GNG4: variants seen among roughly 807,000 people sequenced by gnomAD.
The protein encoded by GNG4 is guanine nucleotide-binding protein G(I)/G(S)/G(O) subunit gamma-4.
In GNG4, 4 loss-of-function variants were observed where a neutral mutation model predicts 5.8. The ratio of observed to expected loss-of-function variants is 0.69; its 90% CI spans 0.34 to 1.57. The LOEUF (loss-of-function observed/expected upper bound fraction) is 1.57. Among genes scored for constraint, GNG4 ranks in the 40% most tolerant of loss-of-function variants. The pLI, the probability that GNG4 is intolerant of heterozygous loss-of-function variation, is 0.06. For missense variants in GNG4, 96 were observed against 95.1 expected, an observed-to-expected ratio of 1.01 and a Z score of -0.04; for synonymous variants, 29 against 32.9, an observed-to-expected ratio of 0.88 and a Z score of 0.41.
chr1:235,570,914 A>T, intron 3 of GNG4, among the ~76,000 whole-genome samples: 1 of 62,262 alleles, frequency 1.6e-5, no homozygotes. Flanking sequence ...GTGTGTATAC[A>T]TATATATATA....
chr1:235,557,480 A>C (rs1432703269), intron 3 of GNG4, among the ~76,000 whole-genome samples: 1 of 146,144 alleles, frequency 6.8e-6, no homozygotes, highest in Non-Finnish European at 1.5e-5. Flanking sequence ...CAGGATGGAC[A>C]CAGCCACTGT....
At chr1:235,645,797 C>CAAAAAA (rs6143682) in intron 1 of GNG4, among the ~76,000 whole-genome samples, 2 of 90,376 alleles carry the variant, frequency 2.2e-5, no homozygotes, top group African/African-American at 4.1e-5. Flanking sequence ...AACTCAGTCT[C>CAAAAAA]AAAAAAAAAA....
chr1:235,566,198 A>G (rs899270120), intron 3 of GNG4: 1 of 152,294 alleles, frequency 6.6e-6, no homozygotes, highest in African/African-American at 2.4e-5. Flanking sequence ...GTCTTTCAAC[A>G]GTGCTCTAAA....
intron 1 of GNG4, among the ~76,000 whole-genome samples, chr1:235,629,516 T>G (rs1210413779): frequency 1.3e-5 from 2 of 152,240 alleles, no homozygotes; most frequent in East Asian, 3.9e-4. Flanking sequence ...CAACACTTCT[T>G]GTGAAAAGCC....
intron 1 of GNG4, among the ~76,000 whole-genome samples, chr1:235,606,875 G>A (rs1254968625): frequency 6.6e-6 from 1 of 151,834 alleles, no homozygotes; most frequent in East Asian, 1.9e-4. Flanking sequence ...GAGGAAGGAA[G>A]CCGCATGCTC....
At chr1:235,645,640 A>G (rs1023379226) in intron 1 of GNG4, among the ~76,000 whole-genome samples, 15 of 152,012 alleles carry the variant, frequency 9.9e-5, no homozygotes, top group African/African-American at 3.6e-4. Flanking sequence ...TCTACTAAAA[A>G]TACAAAATTA....
intron 1 of GNG4, among the ~76,000 whole-genome samples, chr1:235,645,135 C>T (rs530325423): frequency 6.6e-6 from 1 of 152,308 alleles, no homozygotes; most frequent in African/African-American, 2.4e-5. Flanking sequence ...GCCTGACCCT[C>T]TGGGAAGACA....
At chr1:235,575,656 T>G (rs187698165) in intron 3 of GNG4, among the ~76,000 whole-genome samples, 1 of 152,310 alleles carries the variant, frequency 6.6e-6, no homozygotes, top group African/African-American at 2.4e-5. Flanking sequence ...CCTTGGCCAG[T>G]TTTCCTTGGC....
chr1:235,587,744 GGGGTGA>G (rs1400229789), intron 2 of GNG4, among the ~76,000 whole-genome samples: 1 of 148,406 alleles, frequency 6.7e-6, no homozygotes, highest in Non-Finnish European at 1.5e-5. Context: ...GTTCAGGGTG[GGGGTGA>G]GGGTGAGTGT....
At chr1:235,575,635 G>A (rs1228302920) in intron 3 of GNG4, among the ~76,000 whole-genome samples, 6 of 152,190 alleles carry the variant, frequency 3.9e-5, no homozygotes, top group Admixed American at 6.5e-5. Flanking sequence ...AATGAGACTG[G>A]GCAGAATGTT....
At chr1:235,552,918 C>G (rs1176707501) in intron 3 of GNG4, among the ~76,000 whole-genome samples, 1 of 152,160 alleles carries the variant, frequency 6.6e-6, no homozygotes, top group East Asian at 1.9e-4. Context: ...CTCACCATGC[C>G]CAGCTAATTT....
intron 2 of GNG4, among the ~76,000 whole-genome samples, chr1:235,593,613 CG>C (rs1260907690): frequency 1.3e-5 from 2 of 152,148 alleles, no homozygotes; most frequent in African/African-American, 2.4e-5. Context: ...TTCTTAAAGG[CG>C]GCGTGTCCGG....
intron 1 of GNG4, among the ~76,000 whole-genome samples, chr1:235,641,646 G>A (rs952747055): frequency 4.6e-5 from 7 of 152,076 alleles, no homozygotes; most frequent in Non-Finnish European, 7.4e-5. Flanking sequence ...AGCCGAGATC[G>A]CGCCACTGCA....
At chr1:235,600,370 C>G (rs1390109988) in intron 1 of GNG4, among the ~76,000 whole-genome samples, 1 of 151,636 alleles carries the variant, frequency 6.6e-6, no homozygotes, top group Admixed American at 6.6e-5. Flanking sequence ...CCACCTTGGC[C>G]TCCCAAAGCG....
At chr1:235,576,041 G>A (rs112951211) in intron 3 of GNG4, among the ~76,000 whole-genome samples, 1,621 of 149,622 alleles carry the variant, frequency 0.011, 26 homozygotes, top group African/African-American at 0.038. Context: ...TCTATTTAAT[G>A]ATCAATGTCA....
chr1:235,586,181 C>CT (rs1171419757), intron 2 of GNG4, among the ~76,000 whole-genome samples: 1 of 152,210 alleles, frequency 6.6e-6, no homozygotes, highest in Admixed American at 6.5e-5. Flanking sequence ...TAGTTTGGAA[C>CT]TTTAACTCAA....
chr1:235,587,295 T>TGAGA (rs1448027575), intron 2 of GNG4, among the ~76,000 whole-genome samples: 3 of 75,060 alleles, frequency 4.0e-5, no homozygotes, highest in African/African-American at 6.7e-5. Context: ...TGGGTTGGGG[T>TGAGA]GTGTGTGAGG....
intron 3 of GNG4, among the ~76,000 whole-genome samples, chr1:235,571,429 G>C (rs975608186): frequency 2.0e-5 from 3 of 152,158 alleles, no homozygotes; most frequent in Non-Finnish European, 4.4e-5. Flanking sequence ...TGTGAGAATT[G>C]AATGAATTTA....
At chr1:235,649,817 G>T (rs1180564811), upstream of GNG4, 1 of 148,966 alleles carries the variant, frequency 6.7e-6, no homozygotes, top group Non-Finnish European at 1.5e-5. The surrounding 1 kb of genome is among the most constrained non-coding windows in gnomAD (Gnocchi z 5.7). Flanking sequence ...TCCGCGTCCC[G>T]TCACCGGCCC....
Sources: allele counts gnomAD v4.1 joint callset (sites outside exome capture counted in the v4.1 genomes callset), GRCh38; gene constraint gnomAD v4.1.1; non-coding constraint Gnocchi (gnomAD v3.1); transcripts MANE v1.5; gene names NCBI Gene and HGNC (gene_info 2026-07-23, HGNC 2026-07-21).